Variants in SORBS2 observed in about 807,000 individuals in gnomAD.
The protein encoded by SORBS2 is sorbin and SH3 domain-containing protein 2.
SORBS2 carries 46 observed loss-of-function variants against 97.7 expected under a neutral mutation model. The observed-to-expected ratio is 0.47, with a 90% CI of 0.37 to 0.60. SORBS2 has a LOEUF of 0.60. Ranked by LOEUF, SORBS2 falls within the 20% of genes least tolerant of loss-of-function variation. The pLI is 0.00. For synonymous variants in SORBS2, 476 were observed against 473.4 expected (o/e 1.01, Z -0.07); for missense variants, 1,316 against 1,282.3 (o/e 1.03, Z -0.40).
intron 2 of SORBS2, among the ~76,000 whole-genome samples, chr4:185,707,540 G>T (rs10026539): frequency 0.24 from 35,918 of 151,562 alleles, 4,670 homozygotes; most frequent in Non-Finnish European, 0.3. Context: ...TGGGTACAAG[G>T]CACATAAATT....
At chr4:185,614,625 C>G in intron 11 of SORBS2, 1 of 561,976 alleles carries the variant, frequency 1.8e-6, no homozygotes, top group South Asian at 2.6e-5. Flanking sequence ...TGGTATCCCA[C>G]GGGGAACTCC....
At chr4:185,794,831 T>TA (rs11380832) in intron 1 of SORBS2, among the ~76,000 whole-genome samples, 21,036 of 151,948 alleles carry the variant, frequency 0.14, 1,637 homozygotes, top group South Asian at 0.27. Flanking sequence ...AAGTCCTGCC[T>TA]ATGTGAGGAA....
chr4:185,848,255 T>C (rs957592324), intron 1 of SORBS2, among the ~76,000 whole-genome samples: 2 of 152,180 alleles, frequency 1.3e-5, no homozygotes, highest in African/African-American at 4.8e-5. Flanking sequence ...AAGGGTATTC[T>C]GGGGAAAGCC....
In SORBS2 at chr4:185,859,747, T is replaced by A. The variant is rs1440438640; in HGVS notation, c.-337-84381A>T. ...TTCTCACCGCCCAGGGCACAATGGGTGACCTATAAAAGATGGTGAATAAAT... is the reference window on the plus strand; with the variant it reads ...TTCTCACCGCCCAGGGCACAATGGGAGACCTATAAAAGATGGTGAATAAAT... On this transcript the variant is annotated intron_variant, in intron 1 of 20. Transcript: ENST00000284776. Among the ~76,000 whole-genome samples, 2 of 152,160 alleles carry A rather than the reference T, an allele frequency of 1.3e-5. 1 individual carries two copies. Among genetic ancestry groups the A allele is most frequent in the Non-Finnish European group, 2.9e-5 (2 of 68,028 alleles).
chr4:185,799,452 C>T (rs565121737), intron 1 of SORBS2, among the ~76,000 whole-genome samples: 4 of 152,162 alleles, frequency 2.6e-5, no homozygotes, highest in Admixed American at 6.5e-5. Flanking sequence ...AGTCTTTTAA[C>T]ACCACAGATC....
chr4:185,877,600 C>T (rs2099234303), intron 1 of SORBS2, among the ~76,000 whole-genome samples: 1 of 152,100 alleles, frequency 6.6e-6, no homozygotes, highest in African/African-American at 2.4e-5. Flanking sequence ...GGCATGGTGG[C>T]TCACACCTAT....
At chr4:185,642,991 T>C (rs970379263) in intron 4 of SORBS2, among the ~76,000 whole-genome samples, 4 of 152,254 alleles carry the variant, frequency 2.6e-5, no homozygotes, top group Admixed American at 2.6e-4. Context: ...TGTTCCTTCA[T>C]TCACTTAGAA....
At chr4:185,918,212 T>C (rs2099259240) in intron 1 of SORBS2, 2 of 152,346 alleles carry the variant, frequency 1.3e-5, no homozygotes, top group Admixed American at 6.5e-5. Context: ...AAAAATCTTA[T>C]AAAGGTTGTT....
Position 185,623,798 on chromosome 4 carries a change from T to C in SORBS2, c.1331A>G (p.Gln444Arg), listed in dbSNP as rs774180348. 1 of 1,614,192 alleles carries C rather than the reference T, an allele frequency of 6.2e-7. No individual in the cohort carries two copies. ...CCGCCTCTTGGGACATAGGCCATTT[T>C]GCGGTGGTTCTAGGGTTACGGGAGA... Residue 444 changes from glutamine to arginine, a missense_variant, in exon 7 of 15, where the codon CAA (glutamine) becomes CGA (arginine). By Grantham distance (43) the Gln-to-Arg change is conservative (BLOSUM62 1). Coordinates refer to ENST00000418609, the Ensembl canonical transcript of SORBS2. This position sits in a 1 kb window ranked among gnomAD's most constrained non-coding sequence, Gnocchi z 6.4.
intron 1 of SORBS2, among the ~76,000 whole-genome samples, chr4:185,806,489 G>A (rs1186147991): frequency 1.7e-5 from 2 of 115,488 alleles, no homozygotes; most frequent in African/African-American, 6.9e-5. Context: ...ACGGAGTCTC[G>A]CTCTGTCGCC....
chr4:185,769,613 C>T (rs1288769458), intron 2 of SORBS2, among the ~76,000 whole-genome samples: 1 of 152,142 alleles, frequency 6.6e-6, no homozygotes, highest in Non-Finnish European at 1.5e-5. Flanking sequence ...GCCTCAGCCT[C>T]CTGAGTAGCT....
chr4:185,674,818 C>T (rs1156531513), intron 4 of SORBS2, among the ~76,000 whole-genome samples: 1 of 152,186 alleles, frequency 6.6e-6, no homozygotes, highest in Admixed American at 6.5e-5. Context: ...AAGCTGTTCT[C>T]TTTTCAGTGA....
chr4:185,701,557 C>G (rs2098262842), intron 2 of SORBS2, among the ~76,000 whole-genome samples: 1 of 152,150 alleles, frequency 6.6e-6, no homozygotes, highest in Non-Finnish European at 1.5e-5. Flanking sequence ...ATCCAGAACC[C>G]ACGCTGGGAC....
chr4:185,838,376 G>A (rs1008212397), intron 1 of SORBS2, among the ~76,000 whole-genome samples: 2 of 152,252 alleles, frequency 1.3e-5, no homozygotes, highest in African/African-American at 4.8e-5. Context: ...CATGCCAGGG[G>A]CGTCAGAACC....
In SORBS2 at chr4:185,647,568, A is replaced by AT. The variant is rs2097232874; in HGVS notation, c.282-787dup. On this transcript the variant is annotated intron_variant, in intron 3 of 14. Coordinates refer to ENST00000418609, the Ensembl canonical transcript of SORBS2. ...GGGGCCATGATTTTTAGGAGGAAGG[A>AT]TTTTCTGACTGTAGATAGGGGTAAT... is the stretch of plus-strand genomic sequence containing the variant. Among the ~76,000 whole-genome samples, 3 of 151,978 alleles carry AT rather than the reference A, an allele frequency of 2.0e-5. No homozygotes were observed. In the South Asian group the frequency reaches 6.2e-4, roughly 32 times the overall value.
intron 2 of SORBS2, among the ~76,000 whole-genome samples, chr4:185,748,179 A>T (rs144805905): frequency 6.6e-6 from 1 of 152,110 alleles, no homozygotes; most frequent in Admixed American, 6.5e-5. Flanking sequence ...GAAAATTAGC[A>T]TCTAGCTGTA....
rs1403745305 is a variant in SORBS2 at position 185,731,886 on chromosome 4, ATATATATATATATATATATATATG to A, written c.-198+43317_-198+43340del. Among the ~76,000 whole-genome samples the A allele has an allele frequency of 1.1e-3, 94 of 88,862 alleles. 1 individual carries two copies. Among genetic ancestry groups the A allele is most frequent in the African/African-American group, 3.8e-3 (92 of 24,240 alleles). 58.3% of individuals were successfully genotyped at this position (88,862 alleles called of 152,430 possible). On this transcript the variant is annotated intron_variant, in intron 2 of 20. Transcript: ENST00000284776. ...TCTCTCTATATATATATATATATAT[ATATATATATATATATATATATATG>A]TCTGTTTCTCTGTCTCACTCTAGAT... is the stretch of plus-strand genomic sequence containing the variant.
chr4:185,929,908 G>A (rs7687824), intron 1 of SORBS2, among the ~76,000 whole-genome samples: 41,284 of 151,802 alleles, frequency 0.27, 5,904 homozygotes, highest in South Asian at 0.33. Context: ...TGCTATTGAC[G>A]GGGATGAACT....
At chr4:185,941,073 T>C (rs906667217) in intron 1 of SORBS2, among the ~76,000 whole-genome samples, 1 of 152,202 alleles carries the variant, frequency 6.6e-6, no homozygotes, top group Non-Finnish European at 1.5e-5. Context: ...TGAAAAACCA[T>C]GCCATTCGTC....
Sources: gnomAD v4.1 joint callset for allele counts (sites outside exome capture counted in the v4.1 genomes callset) on GRCh38, gnomAD v4.1.1 for gene constraint, Gnocchi (gnomAD v3.1) non-coding constraint, MANE v1.5 for transcripts, NCBI Gene and HGNC (gene_info 2026-07-23, HGNC 2026-07-21) for gene names.